The following SLC35F4 variants were observed in gnomAD, a reference collection of about 807,000 sequenced individuals.
SLC35F4 encodes chromosome 14 open reading frame 36.
Under a neutral mutation model 44.2 loss-of-function variants are expected in SLC35F4, and 24 were observed. The observed-to-expected ratio is 0.54, with a 90% CI of 0.39 to 0.76. The LOEUF (loss-of-function observed/expected upper bound fraction) is 0.76. Ranked by LOEUF, SLC35F4 falls within the 30% of genes least tolerant of loss-of-function variation. The probability of loss-of-function intolerance (pLI) is 0.00; values close to 1 mark genes in which losing one functional copy is unlikely to be tolerated. For missense variants in SLC35F4, 562 were observed against 586.1 expected, an observed-to-expected ratio of 0.96 and a Z score of 0.42; for synonymous variants, 238 against 223.6, an observed-to-expected ratio of 1.06 and a Z score of -0.57.
chr14:57,900,233 C>T (rs555179037), intron 1 of SLC35F4, among the ~76,000 whole-genome samples: 3 of 152,318 alleles, frequency 2.0e-5, no homozygotes, highest in South Asian at 2.1e-4. Flanking sequence ...GCTGGCTTCA[C>T]CTCTCAGTGG....
At chr14:57,773,457 G>A (rs1028266722) in intron 1 of SLC35F4, among the ~76,000 whole-genome samples, 1 of 152,072 alleles carries the variant, frequency 6.6e-6, no homozygotes, top group South Asian at 2.1e-4. Context: ...CATTTAGTAC[G>A]GAATAAAGCC....
At chr14:57,768,615 T>C (rs1333058529) in intron 1 of SLC35F4, among the ~76,000 whole-genome samples, 4 of 152,234 alleles carry the variant, frequency 2.6e-5, no homozygotes, top group Admixed American at 1.3e-4. Flanking sequence ...TTTGCATTAA[T>C]AGCAGATCAC....
chr14:57,778,469 A>C (rs764767857), intron 1 of SLC35F4, among the ~76,000 whole-genome samples: 48 of 152,176 alleles, frequency 3.2e-4, no homozygotes, highest in Non-Finnish European at 5.3e-4. Context: ...AGGAGCACCG[A>C]GATTCATAAA....
intron 1 of SLC35F4, among the ~76,000 whole-genome samples, chr14:57,774,490 C>T (rs2077441984): frequency 6.6e-6 from 1 of 152,202 alleles, no homozygotes; most frequent in Non-Finnish European, 1.5e-5. Flanking sequence ...GATGCCCATC[C>T]CCCTAGGCTC....
chr14:57,671,471 C>T (rs1002937531), intron 1 of SLC35F4, among the ~76,000 whole-genome samples: 2 of 151,954 alleles, frequency 1.3e-5, no homozygotes, highest in African/African-American at 2.4e-5. Flanking sequence ...CATTTTTAGA[C>T]ACACCATGGG....
At chr14:57,826,088 G>A (rs149682832) in intron 1 of SLC35F4, among the ~76,000 whole-genome samples, 206 of 152,250 alleles carry the variant, frequency 1.4e-3, no homozygotes, top group African/African-American at 4.7e-3. Context: ...AAAGCTGGAG[G>A]CATCATGCTA....
intron 1 of SLC35F4, chr14:57,981,851 C>G (rs1307049213): frequency 6.6e-6 from 1 of 152,182 alleles, no homozygotes; most frequent in Non-Finnish European, 1.5e-5. Flanking sequence ...GTTCATCTGG[C>G]AGACATTTAA....
intron 1 of SLC35F4, among the ~76,000 whole-genome samples, chr14:57,819,357 T>C (rs1882926140): frequency 6.6e-6 from 1 of 152,128 alleles, no homozygotes; most frequent in African/African-American, 2.4e-5. Flanking sequence ...ACACAATGTT[T>C]AACAATAAGG....
At chr14:57,734,158 G>A (rs1444945231) in intron 1 of SLC35F4, among the ~76,000 whole-genome samples, 1 of 152,118 alleles carries the variant, frequency 6.6e-6, no homozygotes, top group Non-Finnish European at 1.5e-5. Flanking sequence ...CTGGAATTAA[G>A]TAAACATTTC....
At chr14:57,571,189 A>G (rs2068483859) in intron 5 of SLC35F4, among the ~76,000 whole-genome samples, 1 of 152,208 alleles carries the variant, frequency 6.6e-6, no homozygotes, top group Admixed American at 6.5e-5. Context: ...TTGACTTTAA[A>G]AGTAGAGCTT....
chr14:57,648,272 TTGA>T (rs1324740019), intron 1 of SLC35F4, among the ~76,000 whole-genome samples: 1 of 152,122 alleles, frequency 6.6e-6, no homozygotes, highest in African/African-American at 2.4e-5. Flanking sequence ...AAAAATGGAA[TTGA>T]TGAGTAATTT....
At chr14:57,827,389 C>A (rs1484842646) in intron 1 of SLC35F4, among the ~76,000 whole-genome samples, 1 of 152,092 alleles carries the variant, frequency 6.6e-6, no homozygotes, top group Non-Finnish European at 1.5e-5. Flanking sequence ...CATAGCTATG[C>A]ATGCTGGGCT....
intron 1 of SLC35F4, among the ~76,000 whole-genome samples, chr14:57,858,988 A>G (rs1887427682): frequency 6.6e-6 from 1 of 151,764 alleles, no homozygotes; most frequent in South Asian, 2.1e-4. Flanking sequence ...ACGCACCTGT[A>G]GTCCTACTCA....
intron 1 of SLC35F4, among the ~76,000 whole-genome samples, chr14:57,856,318 G>A (rs1887085926): frequency 6.6e-6 from 1 of 152,012 alleles, no homozygotes; most frequent in African/African-American, 2.4e-5. Flanking sequence ...CTTAAAGTAT[G>A]TTAAAAACAT....
intron 1 of SLC35F4, among the ~76,000 whole-genome samples, chr14:57,924,112 C>T (rs1889497769): frequency 6.6e-6 from 1 of 152,212 alleles, no homozygotes; most frequent in Non-Finnish European, 1.5e-5. Context: ...TTGCCTTCAG[C>T]CATGATTGTG....
intron 1 of SLC35F4, among the ~76,000 whole-genome samples, chr14:57,677,836 G>A (rs866198882): frequency 3.3e-5 from 5 of 151,872 alleles, no homozygotes; most frequent in African/African-American, 1.2e-4. Flanking sequence ...TTGAAAAATG[G>A]GCAAGGGTCA....
At chr14:57,810,764 C>T (rs935452406) in intron 1 of SLC35F4, among the ~76,000 whole-genome samples, 4 of 152,206 alleles carry the variant, frequency 2.6e-5, no homozygotes, top group African/African-American at 9.7e-5. Flanking sequence ...CTCTGAATTG[C>T]ACAAGTCTTA....
intron 1 of SLC35F4, among the ~76,000 whole-genome samples, chr14:57,644,327 G>C (rs1303460749): frequency 6.6e-6 from 1 of 152,128 alleles, no homozygotes. Context: ...GTGTGAGATG[G>C]TATCTCACTG....
chr14:57,866,741 G>A (rs1273680245), upstream of SLC35F4, among the ~76,000 whole-genome samples: 1 of 152,082 alleles, frequency 6.6e-6, no homozygotes, highest in African/African-American at 2.4e-5. Context: ...CAGGAGGGAA[G>A]TCCTTCAAAC....
Sources: allele counts gnomAD v4.1 joint callset (sites outside exome capture counted in the v4.1 genomes callset), GRCh38; gene constraint gnomAD v4.1.1; transcripts MANE v1.5; gene names NCBI Gene and HGNC (gene_info 2026-07-23, HGNC 2026-07-21).